The following IL1RAP variants were observed in gnomAD, a reference collection of about 807,000 sequenced individuals.
IL1RAP encodes the protein interleukin-1 receptor accessory protein.
IL1RAP carries 35 observed loss-of-function variants against 60.7 expected under a neutral mutation model. The ratio of observed to expected loss-of-function variants is 0.58; its 90% confidence interval spans 0.44 to 0.76. The LOEUF is 0.76. Among genes scored for constraint, IL1RAP ranks in the 30% least tolerant of loss-of-function variants. The probability of loss-of-function intolerance (pLI) is 0.00; values close to 1 mark genes in which losing one functional copy is unlikely to be tolerated. For synonymous variants in IL1RAP, 268 were observed against 250.9 expected (o/e 1.07, Z -0.64); for missense variants, 572 against 693.9 (o/e 0.82, Z 1.97).
chr3:190,655,894 G>T, downstream of IL1RAP: 2 of 1,535,788 alleles, frequency 1.3e-6, no homozygotes, highest in Non-Finnish European at 1.7e-6. Context: ...TATAGATACA[G>T]TGGAAGCAGT....
At chr3:190,537,825 T>C (rs1049076854) in intron 1 of IL1RAP, among the ~76,000 whole-genome samples, 4 of 152,194 alleles carry the variant, frequency 2.6e-5, no homozygotes, top group East Asian at 1.9e-4. Context: ...ACGTATACGA[T>C]TTCTCCATGG....
In IL1RAP at chr3:190,650,463, G is replaced by A; in HGVS notation, c.*1758G>A. The A allele has an allele frequency of 1.0e-6, 1 of 983,292 alleles. No individual in the cohort carries two copies. Among genetic ancestry groups the A allele is most frequent in the Non-Finnish European group, 1.2e-6 (1 of 828,090 alleles). 60.9% of individuals were successfully genotyped at this position (983,292 alleles called of 1,614,324 possible). A position where few individuals can be genotyped will look rare whatever the true frequency, so the allele number is the denominator to read the frequency against. On this transcript the variant is annotated 3_prime_UTR_variant, in exon 12 of 12. Coordinates refer to ENST00000447382, the MANE Select transcript of IL1RAP (RefSeq NM_002182.4). The stretch of plus-strand genomic sequence containing the variant: ...TCAGTGCTCAACTATTTGAACTGTT[G>A]AGTGATAAAGGAAACAAATATAACT...
chr3:190,642,623 C>T (rs914918132), intron 9 of IL1RAP: 1 of 152,196 alleles, frequency 6.6e-6, no homozygotes, highest in Non-Finnish European at 1.5e-5. Flanking sequence ...GTACACCGCC[C>T]TTGCCCCAGT....
At chr3:190,617,894 A>G (rs1270337131) in intron 5 of IL1RAP, among the ~76,000 whole-genome samples, 3 of 152,206 alleles carry the variant, frequency 2.0e-5, no homozygotes, top group African/African-American at 7.2e-5. Context: ...AATGTAAAAT[A>G]TTCCCTTTAT....
At chr3:190,594,866 G>T (rs1414189113) in intron 3 of IL1RAP, among the ~76,000 whole-genome samples, 3 of 152,140 alleles carry the variant, frequency 2.0e-5, no homozygotes, top group Non-Finnish European at 4.4e-5. Flanking sequence ...TATGTCATAG[G>T]CTTATTTCAT....
chr3:190,613,832 CAA>C (rs79787574), intron 5 of IL1RAP, among the ~76,000 whole-genome samples: 1 of 140,242 alleles, frequency 7.1e-6, no homozygotes, highest in African/African-American at 2.6e-5. Context: ...GACTCCATTT[CAA>C]AAAAAAAAAG....
intron 1 of IL1RAP, among the ~76,000 whole-genome samples, chr3:190,532,038 C>T (rs907250503): frequency 1.3e-5 from 2 of 152,010 alleles, no homozygotes; most frequent in African/African-American, 2.4e-5. Context: ...TCAGCCAAAC[C>T]TACCTGTAAC....
chr3:190,638,133 C>T (rs999946285), intron 9 of IL1RAP, among the ~76,000 whole-genome samples: 2 of 152,026 alleles, frequency 1.3e-5, no homozygotes, highest in Admixed American at 6.6e-5. Flanking sequence ...AATGGACTAC[C>T]GCTTTTACTT....
At chr3:190,642,905 C>T (rs1430938678) in intron 9 of IL1RAP, among the ~76,000 whole-genome samples, 1 of 152,128 alleles carries the variant, frequency 6.6e-6, no homozygotes, top group African/African-American at 2.4e-5. Context: ...ATATACTGTT[C>T]CTCCTTCAAA....
intron 3 of IL1RAP, among the ~76,000 whole-genome samples, chr3:190,598,921 C>T (rs1251457235): frequency 6.6e-6 from 1 of 152,090 alleles, no homozygotes; most frequent in East Asian, 1.9e-4. Context: ...TATTACGTCT[C>T]TTAGTTTTTG....
At chr3:190,632,595 A>G (rs571119340) in intron 9 of IL1RAP, among the ~76,000 whole-genome samples, 2 of 152,348 alleles carry the variant, frequency 1.3e-5, no homozygotes, top group Admixed American at 6.5e-5. Context: ...TAAAACTTTG[A>G]TGGCATTTAT....
chr3:190,571,254 A>G (rs1307823949), intron 3 of IL1RAP, among the ~76,000 whole-genome samples: 1 of 152,082 alleles, frequency 6.6e-6, no homozygotes, highest in East Asian at 1.9e-4. Context: ...GCTCATGCCT[A>G]TAATGCCAGT....
Position 190,648,555 on chromosome 3 carries a change from C to T in IL1RAP, c.1563C>T (p.Leu521=). Residue 521 remains leucine, a synonymous_variant, in exon 12 of 12, where the codon CTC becomes CTT. Transcript: ENST00000447382. ...VKELKRAKTV[L]TVIKWKGEKS... ...AGCTGAAGAGGGCTAAGACGGTGCT[C>T]ACGGTCATTAAATGGAAAGGGGAAA... 1 of 1,614,094 alleles carries T rather than the reference C, an allele frequency of 6.2e-7. No homozygotes were observed. The highest frequency in any genetic ancestry group is 8.5e-7 in the Non-Finnish European group (1 of 1,180,024).
intron 11 of IL1RAP, among the ~76,000 whole-genome samples, chr3:190,647,508 T>C (rs1403872868): frequency 6.6e-6 from 1 of 152,222 alleles, no homozygotes; most frequent in African/African-American, 2.4e-5. Context: ...TAAAATTACA[T>C]GGCATTTCCA....
chr3:190,596,575 G>C (rs1422346782), intron 3 of IL1RAP, among the ~76,000 whole-genome samples: 4 of 152,154 alleles, frequency 2.6e-5, no homozygotes, highest in Non-Finnish European at 5.9e-5. Flanking sequence ...ATTTCCATTA[G>C]TCCTCTGTGC....
intron 9 of IL1RAP, among the ~76,000 whole-genome samples, chr3:190,642,767 G>T (rs917009973): frequency 1.3e-5 from 2 of 151,996 alleles, no homozygotes; most frequent in Non-Finnish European, 1.5e-5. Flanking sequence ...GCCACAAAAG[G>T]GCAGAGACCC....
intron 7 of IL1RAP, among the ~76,000 whole-genome samples, chr3:190,625,584 A>G (rs1051020849): frequency 1.3e-5 from 2 of 152,228 alleles, no homozygotes; most frequent in African/African-American, 4.8e-5. Context: ...ATTTATAGCA[A>G]CAAACAATAA....
chr3:190,646,726 T>C (rs1391613096), intron 11 of IL1RAP, among the ~76,000 whole-genome samples: 1 of 152,126 alleles, frequency 6.6e-6, no homozygotes, highest in Admixed American at 6.5e-5. Context: ...AAATCCTGTC[T>C]ACATTCATCA....
intron 4 of IL1RAP, among the ~76,000 whole-genome samples, chr3:190,608,575 A>G (rs1463351862): frequency 6.6e-6 from 1 of 152,170 alleles, no homozygotes; most frequent in Non-Finnish European, 1.5e-5. Context: ...AGCATCACCA[A>G]AAACGTGAAT....
Sources: allele counts gnomAD v4.1 joint callset (sites outside exome capture counted in the v4.1 genomes callset), GRCh38; gene constraint gnomAD v4.1.1; transcripts MANE v1.5; gene names NCBI Gene and HGNC (gene_info 2026-07-23, HGNC 2026-07-21).